Variants in BMPR1B observed in about 807,000 individuals in gnomAD.
The protein encoded by BMPR1B is bone morphogenetic protein receptor type 1B.
Under a neutral mutation model 59.1 loss-of-function variants are expected in BMPR1B, and 12 were observed. The observed-to-expected ratio is 0.20, with a 90% CI of 0.13 to 0.33. The LOEUF is 0.33. Among genes scored for constraint, BMPR1B ranks in the 10% least tolerant of loss-of-function variants. The probability of loss-of-function intolerance (pLI) is 1.00; values close to 1 mark genes in which losing one functional copy is unlikely to be tolerated. For missense variants in BMPR1B, 550 were observed against 610.9 expected (o/e 0.90, Z 1.05); for synonymous variants, 237 against 207.3 (o/e 1.14, Z -1.23).
chr4:94,917,684 C>T (rs1728536847), intron 2 of BMPR1B, among the ~76,000 whole-genome samples: 1 of 152,118 alleles, frequency 6.6e-6, no homozygotes, highest in Non-Finnish European at 1.5e-5. Context: ...TGCCTTATCT[C>T]AGATGAGACT....
At chr4:95,054,416 T>G (rs1726767570) in intron 3 of BMPR1B, among the ~76,000 whole-genome samples, 1 of 152,194 alleles carries the variant, frequency 6.6e-6, no homozygotes, top group African/African-American at 2.4e-5. Context: ...GTAGAGGTCT[T>G]GAACTTCAAG....
chr4:94,806,487 T>C (rs1324184738), intron 1 of BMPR1B, among the ~76,000 whole-genome samples: 2 of 152,226 alleles, frequency 1.3e-5, no homozygotes, highest in East Asian at 3.8e-4. Context: ...ATGAGAGCAA[T>C]ACCTATCTCA....
chr4:95,051,651 A>C, intron 3 of BMPR1B: 1 of 1,520,682 alleles, frequency 6.6e-7, no homozygotes, highest in Non-Finnish European at 8.8e-7. Flanking sequence ...GAAAGGCAAG[A>C]AACAGGAGGC....
rs565627359 is a variant in BMPR1B, at chr4:95,031,609, A to C, written c.-18+35475A>C. ...AAGTAGCTGGGACTACAGGGACACA[A>C]CACCATGCCTAGCTATCATTGCAGG... is the stretch of plus-strand genomic sequence containing the variant. On this transcript the variant is annotated intron_variant, in intron 3 of 12. Coordinates refer to ENST00000515059, the MANE Select transcript of BMPR1B (RefSeq NM_001203.3). Among the ~76,000 whole-genome samples the C allele has an allele frequency of 4.6e-5, 7 of 152,184 alleles. No individual in the cohort carries two copies. The East Asian group carries it at 9.6e-4, about 21-fold the overall frequency.
rs181682459 is a variant in BMPR1B, at chr4:95,003,884, T to C, written c.-18+7750T>C. Among the ~76,000 whole-genome samples, 4 of 125,854 alleles carry C rather than the reference T, an allele frequency of 3.2e-5. No homozygotes were observed. The East Asian group carries it at 1.1e-3, about 34-fold the overall frequency. 82.6% of individuals were successfully genotyped at this position (125,854 alleles called of 152,430 possible). A position where few individuals can be genotyped will look rare whatever the true frequency, so the allele number is the denominator to read the frequency against. The stretch of plus-strand genomic sequence containing the variant: ...GTGCAGTGGCACAATCTCAGCTCAA[T>C]ACAACCTCCTTCTCCCAAGTTCAAG... On this transcript the variant is annotated intron_variant, in intron 3 of 12. Coordinates refer to ENST00000515059, the MANE Select transcript of BMPR1B (RefSeq NM_001203.3).
chr4:94,977,734 G>A (rs1355537901), intron 2 of BMPR1B, among the ~76,000 whole-genome samples: 1 of 152,142 alleles, frequency 6.6e-6, no homozygotes, highest in African/African-American at 2.4e-5. Context: ...GCGCGTGCCT[G>A]CAGTCCCAGC....
intron 1 of BMPR1B, among the ~76,000 whole-genome samples, chr4:94,851,357 ATAGT>A (rs1446928960): frequency 6.6e-6 from 1 of 152,212 alleles, no homozygotes; most frequent in Non-Finnish European, 1.5e-5. Flanking sequence ...AATTAAAAAT[ATAGT>A]TAATCTCTAT....
At chr4:95,114,244 A>G (rs1731841098) in intron 4 of BMPR1B, among the ~76,000 whole-genome samples, 1 of 152,124 alleles carries the variant, frequency 6.6e-6, no homozygotes, top group African/African-American at 2.4e-5. Flanking sequence ...ACCTGCCTGG[A>G]TTCACACCCT....
At chr4:95,055,849 C>T (rs1726888708) in intron 3 of BMPR1B, among the ~76,000 whole-genome samples, 1 of 152,026 alleles carries the variant, frequency 6.6e-6, no homozygotes, top group Admixed American at 6.6e-5. Context: ...TATATGAAGG[C>T]TTTTGAAAAA....
chr4:94,970,868 C>T (rs1461628194), intron 2 of BMPR1B, among the ~76,000 whole-genome samples: 1 of 152,148 alleles, frequency 6.6e-6, no homozygotes, highest in African/African-American at 2.4e-5. Flanking sequence ...CTACTGAACA[C>T]TATTTTTTTT....
At chr4:95,033,054 T>G (rs1724992366) in intron 3 of BMPR1B, among the ~76,000 whole-genome samples, 1 of 152,172 alleles carries the variant, frequency 6.6e-6, no homozygotes, top group Non-Finnish European at 1.5e-5. Context: ...TGATTTGCAT[T>G]TACCTAGTTA....
chr4:95,131,521 C>G lies in BMPR1B; in HGVS notation c.1076+9C>G. On this transcript the variant is annotated intron_variant, in intron 10 of 12. Transcript: ENST00000515059. ...GCTGTTAAATTTATTAGGTTAGTAT[C>G]AAAGTGAACAAATACATGTTTTATG... 2 of 1,613,490 alleles carry G rather than the reference C, an allele frequency of 1.2e-6. No homozygotes were observed. The highest frequency in any genetic ancestry group is 1.1e-5 in the South Asian group (1 of 91,064).
chr4:94,799,385 C>T (rs1443265567), intron 1 of BMPR1B, among the ~76,000 whole-genome samples: 1 of 151,046 alleles, frequency 6.6e-6, no homozygotes, highest in East Asian at 1.9e-4. Context: ...CTCACTGCAA[C>T]CTCCGCCTCC....
intron 2 of BMPR1B, among the ~76,000 whole-genome samples, chr4:94,887,600 ATTATC>A (rs1560532749): frequency 1.3e-5 from 2 of 151,910 alleles, no homozygotes; most frequent in Non-Finnish European, 2.9e-5. Flanking sequence ...AAATGACAAA[ATTATC>A]TCAAAAATGA....
intron 3 of BMPR1B, among the ~76,000 whole-genome samples, chr4:95,027,985 G>A (rs1277732209): frequency 6.6e-6 from 1 of 152,128 alleles, no homozygotes; most frequent in Non-Finnish European, 1.5e-5. Context: ...TCTCTTCAGT[G>A]CAGAGGCAAT....
chr4:94,770,956 G>T (rs547555852), intron 1 of BMPR1B, among the ~76,000 whole-genome samples: 5 of 150,286 alleles, frequency 3.3e-5, no homozygotes, highest in Non-Finnish European at 7.4e-5. Context: ...AAATTCTTCC[G>T]TGACCTTATA....
At chr4:94,811,773 A>G (rs1723824458) in intron 1 of BMPR1B, among the ~76,000 whole-genome samples, 1 of 152,172 alleles carries the variant, frequency 6.6e-6, no homozygotes, top group South Asian at 2.1e-4. Context: ...GCCCACCCAC[A>G]ATAACATTCA....
intron 2 of BMPR1B, among the ~76,000 whole-genome samples, chr4:94,887,182 A>G (rs1324818478): frequency 6.6e-6 from 1 of 151,926 alleles, no homozygotes; most frequent in Non-Finnish European, 1.5e-5. Context: ...TACTAAAACA[A>G]ATAAACGTAT....
intron 1 of BMPR1B, among the ~76,000 whole-genome samples, chr4:94,812,300 T>G (rs1011735993): frequency 6.6e-6 from 1 of 152,116 alleles, no homozygotes; most frequent in African/African-American, 2.4e-5. Context: ...ATATAACATA[T>G]CCACTTGGCC....
Sources: allele counts gnomAD v4.1 joint callset (sites outside exome capture counted in the v4.1 genomes callset), GRCh38; gene constraint gnomAD v4.1.1; transcripts MANE v1.5; gene names NCBI Gene and HGNC (gene_info 2026-07-23, HGNC 2026-07-21).